Variants in SPATA6 observed in about 807,000 individuals in gnomAD.
SPATA6 encodes spermatogenesis-associated protein 6.
Under a neutral mutation model 65.3 loss-of-function variants are expected in SPATA6, and 56 were observed. The observed-to-expected ratio is 0.86, with a 90% confidence interval of 0.69 to 1.07. The LOEUF (loss-of-function observed/expected upper bound fraction) is 1.07, where lower values mean the gene tolerates loss of function less well. SPATA6 is among the 50% of genes least tolerant of loss of function. SPATA6 has a pLI of 0.00. For synonymous variants in SPATA6, 199 were observed against 213.2 expected (o/e 0.93, Z 0.58); for missense variants, 590 against 594.8 (o/e 0.99, Z 0.08).
chr1:48,415,993 A>C (rs892353771), intron 3 of SPATA6, among the ~76,000 whole-genome samples: 2 of 152,198 alleles, frequency 1.3e-5, no homozygotes, highest in African/African-American at 4.8e-5. Context: ...GCTTGAGCTC[A>C]GGAGTTCAAG....
chr1:48,298,141 T>A lies in SPATA6; in HGVS notation c.*572A>T, dbSNP rs1219314664. 6.6e-6 allele frequency: 1 copy of A among 151,922 alleles called. No homozygotes were observed. Among genetic ancestry groups the A allele is most frequent in the Non-Finnish European group, 1.5e-5 (1 of 67,968 alleles). The allele number at this position is 151,922 out of a possible 1,614,324, so 9.4% of individuals were successfully genotyped here. ...CACAGTTCTTCCAGAGAAAAAGGAGTGAATGATCATATAGTCTTTAAAAAG... is the reference window on the plus strand; with the variant it reads ...CACAGTTCTTCCAGAGAAAAAGGAGAGAATGATCATATAGTCTTTAAAAAG... On this transcript the variant is annotated 3_prime_UTR_variant, in exon 13 of 13. Coordinates refer to ENST00000371847, the MANE Select transcript of SPATA6 (RefSeq NM_019073.4).
the SPATA6 span, among the ~76,000 whole-genome samples, chr1:48,274,941 T>A: frequency 6.6e-6 from 1 of 152,342 alleles, no homozygotes; most frequent in African/African-American, 2.4e-5. Flanking sequence ...GTATACTCAT[T>A]TTTACTATAT....
rs76843558 is a variant in SPATA6 at position 48,432,903 on chromosome 1, T to C, written c.238+18649A>G. ...AAGTGTCTATCAACACATGAAGTGA[T>C]AGGCTAAATGTGATGTATGCATACA... On this transcript the variant is annotated intron_variant, in intron 3 of 12. Coordinates refer to ENST00000371847, the MANE Select transcript of SPATA6 (RefSeq NM_019073.4). Among the ~76,000 whole-genome samples the C allele has an allele frequency of 2.5e-3, 377 of 152,316 alleles. 2 individuals are homozygous for C. Among genetic ancestry groups the C allele is most frequent in the Non-Finnish European group, 3.2e-3 (216 of 68,000 alleles).
chr1:48,400,662 G>A (rs1570455001), intron 6 of SPATA6: 1 of 549,328 alleles, frequency 1.8e-6, no homozygotes, highest in Non-Finnish European at 2.8e-6. Context: ...AATGTGAATA[G>A]GATGAAGAAG....
intron 8 of SPATA6, among the ~76,000 whole-genome samples, chr1:48,386,757 T>G (rs1181353779): frequency 1.3e-5 from 2 of 152,160 alleles, no homozygotes; most frequent in Admixed American, 6.5e-5. Context: ...GCCGGGAGAT[T>G]GTACCATGCA....
intron 11 of SPATA6, among the ~76,000 whole-genome samples, chr1:48,331,846 G>A (rs1021479698): frequency 2.0e-5 from 3 of 152,174 alleles, no homozygotes; most frequent in Non-Finnish European, 4.4e-5. Context: ...CACTCACTAG[G>A]GGAACCCTAT....
chr1:48,312,925 T>G (rs1198607721), intron 11 of SPATA6, among the ~76,000 whole-genome samples: 1 of 152,048 alleles, frequency 6.6e-6, no homozygotes, highest in African/African-American at 2.4e-5. Context: ...GCTGATTCAA[T>G]CAACTGTAAG....
the SPATA6 span, among the ~76,000 whole-genome samples, chr1:48,282,290 T>C: frequency 6.6e-6 from 1 of 152,116 alleles, no homozygotes; most frequent in South Asian, 2.1e-4. Flanking sequence ...ATTTCATGTC[T>C]AAAACACCAA....
intron 3 of SPATA6, among the ~76,000 whole-genome samples, chr1:48,414,171 C>T (rs1259707591): frequency 6.6e-6 from 1 of 152,170 alleles, no homozygotes; most frequent in African/African-American, 2.4e-5. Flanking sequence ...GAGATTAAAA[C>T]TCCAGAGAAA....
chr1:48,395,591 T>C (rs1650514009), intron 7 of SPATA6, among the ~76,000 whole-genome samples: 1 of 151,962 alleles, frequency 6.6e-6, no homozygotes, highest in Non-Finnish European at 1.5e-5. Flanking sequence ...GTGCCTACTT[T>C]AAAATGAACA....
chr1:48,355,747 G>A lies in SPATA6; in HGVS notation c.1117C>T (p.Pro373Ser). The A allele has an allele frequency of 1.2e-6, 2 of 1,612,926 alleles. No individual in the cohort carries two copies. Among genetic ancestry groups the A allele is most frequent in the South Asian group, 1.1e-5 (1 of 90,982 alleles). Residue 373 changes from proline (P) to serine (S), a missense_variant, in exon 11 of 13, where the codon CCT (proline) becomes TCT (serine). Coordinates refer to ENST00000371847, the MANE Select transcript of SPATA6 (RefSeq NM_019073.4). ...RERFHSDWCS[P>S]SNCDEIHDRV... ...TCATGGATCTCATCGCAGTTTGAAG[G>A]TGAACACCAATCAGAATGAAATCTG...
chr1:48,440,540 C>T (rs999068060), intron 3 of SPATA6, among the ~76,000 whole-genome samples: 1 of 152,274 alleles, frequency 6.6e-6, no homozygotes, highest in African/African-American at 2.4e-5. Flanking sequence ...ACTGGGACGT[C>T]GACTCCGATC....
the SPATA6 span, among the ~76,000 whole-genome samples, chr1:48,268,242 T>C: frequency 6.6e-6 from 1 of 152,042 alleles, no homozygotes; most frequent in Non-Finnish European, 1.5e-5. Context: ...CCATCCCATA[T>C]CATTATCATG....
chr1:48,306,686 C>A (rs894769014), intron 11 of SPATA6, among the ~76,000 whole-genome samples: 7 of 151,842 alleles, frequency 4.6e-5, no homozygotes. Flanking sequence ...GTAAGGGGTT[C>A]ATTCACTTTA....
intron 3 of SPATA6, among the ~76,000 whole-genome samples, chr1:48,441,655 G>A (rs1202762476): frequency 6.6e-6 from 1 of 152,082 alleles, no homozygotes; most frequent in Non-Finnish European, 1.5e-5. Flanking sequence ...GTCACAGAGA[G>A]GGCAGGAATA....
At chr1:48,354,827 T>G (rs1295006580) in intron 11 of SPATA6, among the ~76,000 whole-genome samples, 1 of 152,174 alleles carries the variant, frequency 6.6e-6, no homozygotes, top group Non-Finnish European at 1.5e-5. Context: ...TTTCATTTCT[T>G]GATCTGGTAG....
chr1:48,418,605 G>C (rs942837823), intron 3 of SPATA6, among the ~76,000 whole-genome samples: 2 of 148,666 alleles, frequency 1.3e-5, no homozygotes, highest in African/African-American at 5.0e-5. Context: ...GCATGTGCCT[G>C]TGGTCCCAGA....
intron 9 of SPATA6, among the ~76,000 whole-genome samples, chr1:48,360,004 A>G (rs1463669206): frequency 6.6e-6 from 1 of 152,166 alleles, no homozygotes; most frequent in Non-Finnish European, 1.5e-5. Context: ...TATAAAATGT[A>G]TAAGACAGTT....
Position 48,436,814 on chromosome 1 carries a change from G to A in SPATA6, c.238+14738C>T, listed in dbSNP as rs2148082724. Reference sequence around the variant, plus strand: ...CAGATGCTGTTACAGAAACTGAAAGGTCCTCCTTATAGCCCATTGGATATC... The same window carrying A: ...CAGATGCTGTTACAGAAACTGAAAGATCCTCCTTATAGCCCATTGGATATC... On this transcript the variant is annotated intron_variant, in intron 3 of 12. Coordinates refer to ENST00000371847, the MANE Select transcript of SPATA6 (RefSeq NM_019073.4). 11 of 1,613,866 alleles carry A rather than the reference G, an allele frequency of 6.8e-6. 1 individual carries two copies. In the South Asian group the frequency reaches 1.2e-4, roughly 18 times the overall value.
Sources: allele counts gnomAD v4.1 joint callset (sites outside exome capture counted in the v4.1 genomes callset), GRCh38; gene constraint gnomAD v4.1.1; transcripts MANE v1.5; gene names NCBI Gene and HGNC (gene_info 2026-07-23, HGNC 2026-07-21).